Variants in KCNMB2 observed in about 807,000 individuals in gnomAD.
KCNMB2 encodes the protein potassium calcium-activated channel subfamily M regulatory beta subunit 2, also known as calcium-activated potassium channel subunit beta-2.
In KCNMB2, 9 loss-of-function variants were observed where a neutral mutation model predicts 24.5. The ratio of observed to expected loss-of-function variants is 0.37; its 90% CI spans 0.22 to 0.64. The LOEUF (loss-of-function observed/expected upper bound fraction) is 0.64, where lower values mean the gene tolerates loss of function less well. KCNMB2 is among the 30% of genes least tolerant of loss of function. The pLI is 0.63. For synonymous variants in KCNMB2, 109 were observed against 104.4 expected (o/e 1.04, Z -0.27); for missense variants, 226 against 284.3 (o/e 0.79, Z 1.47).
At chr3:178,616,067 T>C (rs1718694236) in intron 1 of KCNMB2, among the ~76,000 whole-genome samples, 1 of 151,930 alleles carries the variant, frequency 6.6e-6, no homozygotes, top group Admixed American at 6.6e-5. Flanking sequence ...TCCCCACTCT[T>C]CCCTTTCCTC....
intron 1 of KCNMB2, among the ~76,000 whole-genome samples, chr3:178,671,044 C>G (rs1720881293): frequency 6.6e-6 from 1 of 151,992 alleles, no homozygotes; most frequent in Admixed American, 6.6e-5. Flanking sequence ...AATCTGATTC[C>G]TTCATTAAAA....
rs1577033239 is a variant in KCNMB2 at position 178,591,328 on chromosome 3, C to T, written c.-68+54617C>T. On this transcript the variant is annotated intron_variant, in intron 1 of 4. Coordinates refer to ENST00000452583, the MANE Select transcript of KCNMB2 (RefSeq NM_181361.3). ...GTTTCACATTCCTTGTCTTTCTTTG[C>T]ACAGATCACTAGGTTTTCATCGCTT... 2.6e-5 allele frequency among the ~76,000 whole-genome samples: 4 copies of T among 152,318 alleles called. No individual in the cohort carries two copies. The South Asian group carries it at 8.3e-4, about 32-fold the overall frequency.
At chr3:178,580,629 G>T (rs1322182068) in intron 1 of KCNMB2, among the ~76,000 whole-genome samples, 1 of 152,184 alleles carries the variant, frequency 6.6e-6, no homozygotes, top group Non-Finnish European at 1.5e-5. Context: ...CATCATCTCA[G>T]CCCAAAATCT....
At chr3:178,710,836 G>A (rs1007504803) in intron 1 of KCNMB2, among the ~76,000 whole-genome samples, 8 of 152,080 alleles carry the variant, frequency 5.3e-5, no homozygotes, top group African/African-American at 1.2e-4. Context: ...CTTCAGCCTC[G>A]TGATCTGAGG....
chr3:178,595,539 G>A (rs1214334968), intron 1 of KCNMB2, among the ~76,000 whole-genome samples: 1 of 152,074 alleles, frequency 6.6e-6, no homozygotes, highest in African/African-American at 2.4e-5. Flanking sequence ...ATGGGGGGCA[G>A]TTCCCCCATC....
chr3:178,548,544 T>C (rs912182028), intron 1 of KCNMB2, among the ~76,000 whole-genome samples: 3 of 152,204 alleles, frequency 2.0e-5, no homozygotes, highest in Admixed American at 1.3e-4. Flanking sequence ...CTATCATGTC[T>C]TTATATCTCT....
At chr3:178,792,414 A>G (rs913904454) in intron 1 of KCNMB2, among the ~76,000 whole-genome samples, 30 of 152,312 alleles carry the variant, frequency 2.0e-4, no homozygotes, top group African/African-American at 7.0e-4. Flanking sequence ...CCTACCACAG[A>G]TACACAGACA....
At chr3:178,697,410 A>G (rs1405561066) in intron 1 of KCNMB2, among the ~76,000 whole-genome samples, 1 of 152,134 alleles carries the variant, frequency 6.6e-6, no homozygotes, top group African/African-American at 2.4e-5. Flanking sequence ...ATTTTGTTAG[A>G]AACTAGAATT....
chr3:178,630,661 G>T (rs1006831561), intron 1 of KCNMB2, among the ~76,000 whole-genome samples: 2 of 152,198 alleles, frequency 1.3e-5, no homozygotes, highest in Non-Finnish European at 2.9e-5. Flanking sequence ...GGAGGTGAGA[G>T]GGCAACAGAT....
chr3:178,777,969 G>C (rs1183686077), intron 1 of KCNMB2, among the ~76,000 whole-genome samples: 1 of 152,152 alleles, frequency 6.6e-6, no homozygotes, highest in Non-Finnish European at 1.5e-5. Flanking sequence ...GATTCATCGT[G>C]GACAGCTCTA....
At chr3:178,559,402 C>T (rs780936069) in intron 1 of KCNMB2, among the ~76,000 whole-genome samples, 9 of 151,714 alleles carry the variant, frequency 5.9e-5, no homozygotes, top group Non-Finnish European at 1.2e-4. Context: ...TTCAAATTCT[C>T]AAGTATTTTA....
At chr3:178,689,412 G>T (rs2108327511) in intron 1 of KCNMB2, among the ~76,000 whole-genome samples, 1 of 152,176 alleles carries the variant, frequency 6.6e-6, no homozygotes, top group East Asian at 1.9e-4. Flanking sequence ...GAGATGGGGG[G>T]ATCACGAAGT....
chr3:178,843,554 T>C lies in KCNMB2; in HGVS notation c.*617T>C, dbSNP rs765734885. The C allele has an allele frequency of 4.2e-4, 77 of 185,322 alleles. No individual in the cohort carries two copies. Among genetic ancestry groups the C allele is most frequent in the African/African-American group, 1.6e-3 (66 of 41,796 alleles). 11.5% of individuals were successfully genotyped at this position (185,322 alleles called of 1,614,324 possible). On this transcript the variant is annotated 3_prime_UTR_variant, in exon 5 of 5. Transcript: ENST00000452583. The stretch of plus-strand genomic sequence containing the variant: ...ATTTCCAAAATATAAGCTGTTTTCA[T>C]TAGCCAGTTCTATAATATCTTCCTG...
intron 1 of KCNMB2, among the ~76,000 whole-genome samples, chr3:178,702,469 AAAAT>A (rs1722135967): frequency 6.6e-6 from 1 of 151,568 alleles, no homozygotes; most frequent in East Asian, 1.9e-4. Context: ...GAAATACATA[AAAAT>A]AAATAAATAA....
chr3:178,750,792 T>C (rs963685657), intron 1 of KCNMB2, among the ~76,000 whole-genome samples: 1 of 151,940 alleles, frequency 6.6e-6, no homozygotes, highest in African/African-American at 2.4e-5. Flanking sequence ...GGGAAAACTT[T>C]TCACCCTGGC....
intron 1 of KCNMB2, among the ~76,000 whole-genome samples, chr3:178,682,998 T>C (rs900664928): frequency 6.6e-6 from 1 of 152,112 alleles, no homozygotes; most frequent in African/African-American, 2.4e-5. Context: ...CAGGTATGTA[T>C]TCAAAAGAAA....
At chr3:178,639,317 G>T (rs1019816822) in intron 1 of KCNMB2, among the ~76,000 whole-genome samples, 8 of 152,022 alleles carry the variant, frequency 5.3e-5, no homozygotes, top group Non-Finnish European at 1.0e-4. Flanking sequence ...AATTATCCAA[G>T]GTTAAACAGC....
rs67483966 is a variant in KCNMB2 at position 178,784,874 on chromosome 3, TAAAA to T, written c.-67-22450_-67-22447del. ...CTAAGTGGCCTTTTACCTGAAGCCT[TAAAA>T]AAAAAAAAAAAAAAAAAACTATCCA... is the stretch of plus-strand genomic sequence containing the variant. On this transcript the variant is annotated intron_variant, in intron 1 of 4. Transcript: ENST00000452583. 1.4e-3 allele frequency among the ~76,000 whole-genome samples: 165 copies of T among 121,378 alleles called. 1 individual carries two copies. The highest frequency in any genetic ancestry group is 4.8e-3 in the African/African-American group (152 of 31,816). The allele number at this position is 121,378 out of a possible 152,430, so 79.6% of individuals were successfully genotyped here.
chr3:178,574,382 A>G (rs1716915773), intron 1 of KCNMB2, among the ~76,000 whole-genome samples: 1 of 152,210 alleles, frequency 6.6e-6, no homozygotes, highest in Admixed American at 6.5e-5. Context: ...CCTTCCGGAC[A>G]TATCTTATCT....
Sources: allele counts gnomAD v4.1 joint callset (sites outside exome capture counted in the v4.1 genomes callset), GRCh38; gene constraint gnomAD v4.1.1; transcripts MANE v1.5; gene names NCBI Gene and HGNC (gene_info 2026-07-23, HGNC 2026-07-21).